Variants in LCMT1 observed in about 807,000 individuals in gnomAD.
LCMT1 encodes the protein [Phosphatase 2A protein]-leucine-carboxy methyltransferase 1.
LCMT1 carries 32 observed loss-of-function variants against 47.7 expected under a neutral mutation model. That is an observed-to-expected ratio of 0.67 (90% CI 0.51 to 0.90). The LOEUF (loss-of-function observed/expected upper bound fraction) is 0.90, where lower values mean the gene tolerates loss of function less well. LCMT1 is among the 40% of genes least tolerant of loss of function. The pLI is 0.00. For missense variants in LCMT1, 375 were observed against 415.2 expected (o/e 0.90, Z 0.84); for synonymous variants, 152 against 149.7 (o/e 1.02, Z -0.11).
At chr16:25,149,483 C>T (rs1446719677) in intron 4 of LCMT1, among the ~76,000 whole-genome samples, 1 of 152,184 alleles carries the variant, frequency 6.6e-6, no homozygotes, top group African/African-American at 2.4e-5. Context: ...AGCCGTATCC[C>T]ATTCCTGTTC....
intron 4 of LCMT1, chr16:25,144,019 T>G (rs145261846): frequency 1.3e-5 from 2 of 152,356 alleles, no homozygotes; most frequent in African/African-American, 4.8e-5. Context: ...CATTGCTGGA[T>G]TCCTATAACC....
At chr16:25,164,555 T>C in intron 6 of LCMT1, 43 bp from the exon 7 acceptor site, 1 of 1,613,186 alleles carries the variant, frequency 6.2e-7, no homozygotes, top group South Asian at 1.1e-5. Context: ...GGTCCTGACT[T>C]GATGATAACA....
chr16:25,151,566 C>A lies in LCMT1; in HGVS notation c.417C>A (p.Pro139=), dbSNP rs758824979. Residue 139 remains proline (P), a synonymous_variant, in exon 5 of 11, where the codon CCC becomes CCA. Coordinates refer to ENST00000399069, the MANE Select transcript of LCMT1 (RefSeq NM_016309.3). The part of the protein sequence containing the change: ...RKLHSIKCKP[P]LSSPILELHS... ...CATCTTCCCATAGATGCAAGCCTCC[C>A]CTATCCAGCCCCATTCTAGAACTGC... is the stretch of plus-strand genomic sequence containing the variant. 5 of 1,613,314 alleles carry A rather than the reference C, an allele frequency of 3.1e-6. No homozygotes were observed. The Admixed American group carries it at 8.3e-5, about 27-fold the overall frequency.
At chr16:25,171,346 G>A (rs951794453) in intron 9 of LCMT1, among the ~76,000 whole-genome samples, 2 of 151,886 alleles carry the variant, frequency 1.3e-5, no homozygotes, top group African/African-American at 4.8e-5. Context: ...TCCAAGAGGC[G>A]GAGGTTGCAG....
chr16:25,123,851 C>T (rs969121448), intron 1 of LCMT1, among the ~76,000 whole-genome samples: 4 of 151,994 alleles, frequency 2.6e-5, no homozygotes, highest in Non-Finnish European at 5.9e-5. Context: ...TCAGGTGATC[C>T]GCCCGCCTCG....
chr16:25,157,091 C>T (rs1389839789), intron 5 of LCMT1, among the ~76,000 whole-genome samples: 1 of 152,138 alleles, frequency 6.6e-6, no homozygotes, highest in Non-Finnish European at 1.5e-5. Flanking sequence ...TCCAACACAT[C>T]TCTCGAAATG....
chr16:25,169,275 C>T, intron 8 of LCMT1, 62 bp downstream of exon 8: 1 of 1,124,192 alleles, frequency 8.9e-7, no homozygotes. Context: ...ATATAAAGGT[C>T]TTTCTTTGCA....
intron 3 of LCMT1, among the ~76,000 whole-genome samples, chr16:25,136,471 CTT>C (rs796407666): frequency 4.8e-5 from 7 of 144,572 alleles, no homozygotes; most frequent in Non-Finnish European, 7.6e-5. Flanking sequence ...AACAGGATAT[CTT>C]TTTTTTTTTT....
At chr16:25,120,415 C>CT (rs916076964) in intron 1 of LCMT1, among the ~76,000 whole-genome samples, 17 of 142,758 alleles carry the variant, frequency 1.2e-4, no homozygotes, top group East Asian at 4.2e-4. Context: ...TTTTTGATTT[C>CT]TTTTTTTTTC....
chr16:25,139,083 T>C (rs966059926), intron 3 of LCMT1, among the ~76,000 whole-genome samples: 6 of 152,052 alleles, frequency 3.9e-5, no homozygotes, highest in Admixed American at 2.0e-4. Context: ...ACTTTTTGTA[T>C]TTTTTGTAGA....
chr16:25,147,307 G>T (rs1412201220), intron 4 of LCMT1: 1 of 152,248 alleles, frequency 6.6e-6, no homozygotes, highest in East Asian at 1.9e-4. Context: ...AGCAAAAGAG[G>T]GTGCCTGTTT....
At chr16:25,175,209 A>G (rs1271599401) in intron 10 of LCMT1, among the ~76,000 whole-genome samples, 175 bp downstream of exon 10, 3 of 152,080 alleles carry the variant, frequency 2.0e-5, no homozygotes, top group African/African-American at 7.2e-5. Context: ...TGGCACGGTC[A>G]TAGCTCATTG....
chr16:25,112,320 C>T (rs1959646557), intron 1 of LCMT1, among the ~76,000 whole-genome samples: 1 of 152,184 alleles, frequency 6.6e-6, no homozygotes, highest in Non-Finnish European at 1.5e-5. Flanking sequence ...GTAGCTCCAG[C>T]CTCGATGGGT....
At position 25,132,244 on chromosome 16, in the gene LCMT1, A is replaced by T. The variant is rs1346226762; in HGVS notation, c.206-158A>T. On this transcript the variant is annotated intron_variant, in intron 2 of 10. Transcript: ENST00000399069. ...CCTTTAACCAAAAAAAAAAAATTTG[A>T]AAGTTGCTGTTTCTCCCATAGAGTC... The T allele has an allele frequency of 6.1e-5, 51 of 842,560 alleles. 1 individual carries two copies. Among genetic ancestry groups the T allele is most frequent in the Non-Finnish European group, 8.9e-5 (50 of 559,890 alleles). The allele number at this position is 842,560 out of a possible 1,614,324, so 52.2% of individuals were successfully genotyped here.
intron 2 of LCMT1, 91 bp from the exon 3 acceptor site, chr16:25,132,311 T>C: frequency 1.4e-6 from 2 of 1,468,614 alleles, no homozygotes; most frequent in Non-Finnish European, 1.9e-6. Context: ...GCATGCTCTC[T>C]GTTTTGCTCT....
At chr16:25,175,267 C>G (rs1310451158) in intron 10 of LCMT1, among the ~76,000 whole-genome samples, 1 of 152,014 alleles carries the variant, frequency 6.6e-6, no homozygotes, top group Non-Finnish European at 1.5e-5. Context: ...TCCTGAGTAG[C>G]TGGGACTACA....
intron 4 of LCMT1, among the ~76,000 whole-genome samples, chr16:25,149,573 T>G (rs1205579058): frequency 6.6e-6 from 1 of 152,238 alleles, no homozygotes; most frequent in Non-Finnish European, 1.5e-5. Flanking sequence ...ATAATCTGAA[T>G]TTTTATGTCT....
At chr16:25,173,428 A>T (rs941239137) in intron 9 of LCMT1, among the ~76,000 whole-genome samples, 1 of 152,208 alleles carries the variant, frequency 6.6e-6, no homozygotes, top group Non-Finnish European at 1.5e-5. Flanking sequence ...CTTTATGTGT[A>T]GGCATTCTTA....
At chr16:25,171,665 C>T (rs1327654931) in intron 9 of LCMT1, among the ~76,000 whole-genome samples, 1 of 152,096 alleles carries the variant, frequency 6.6e-6, no homozygotes, top group African/African-American at 2.4e-5. Context: ...CGACGTTGTT[C>T]AAGGACGTAT....
Sources: gnomAD v4.1 joint callset for allele counts (sites outside exome capture counted in the v4.1 genomes callset) on GRCh38, gnomAD v4.1.1 for gene constraint, MANE v1.5 for transcripts, NCBI Gene and HGNC (gene_info 2026-07-23, HGNC 2026-07-21) for gene names.